SDK1: variants seen among roughly 807,000 people sequenced by gnomAD.
SDK1 encodes sidekick cell adhesion molecule 1.
Under a neutral mutation model 245.5 loss-of-function variants are expected in SDK1, and 157 were observed. The ratio of observed to expected loss-of-function variants is 0.64; its 90% CI spans 0.56 to 0.73. SDK1 has a LOEUF of 0.73. Among genes scored for constraint, SDK1 ranks in the 30% least tolerant of loss-of-function variants. SDK1 has a pLI of 0.00. For synonymous variants in SDK1, 1,647 were observed against 1,278.5 expected, an observed-to-expected ratio of 1.29 and a Z score of -6.15; for missense variants, 3,583 against 3,002.3, an observed-to-expected ratio of 1.19 and a Z score of -4.52.
chr7:4,072,934 A>G (rs771092900), intron 20 of SDK1, among the ~76,000 whole-genome samples: 19 of 152,266 alleles, frequency 1.2e-4, no homozygotes, highest in Non-Finnish European at 8.8e-5. Context: ...TTGCCCGCTC[A>G]TTGTAAATTT....
intron 4 of SDK1, among the ~76,000 whole-genome samples, chr7:3,644,430 A>G (rs1320645052): frequency 1.3e-5 from 2 of 151,854 alleles, no homozygotes; most frequent in Non-Finnish European, 2.9e-5. Context: ...ACAAAAATGA[A>G]GGATCAATTT....
chr7:3,483,745 TA>T (rs763831183), intron 1 of SDK1, among the ~76,000 whole-genome samples: 3 of 152,180 alleles, frequency 2.0e-5, no homozygotes, highest in Non-Finnish European at 4.4e-5. Context: ...TCAGTACTAT[TA>T]GATGATATTT....
chr7:3,664,112 C>A (rs988274035), intron 4 of SDK1, among the ~76,000 whole-genome samples: 1 of 151,874 alleles, frequency 6.6e-6, no homozygotes, highest in South Asian at 2.1e-4. Flanking sequence ...TGGAATTAGC[C>A]CAGTGAGCAT....
At chr7:4,066,413 C>G (rs904632041) in intron 19 of SDK1, among the ~76,000 whole-genome samples, 2 of 152,194 alleles carry the variant, frequency 1.3e-5, no homozygotes, top group South Asian at 4.1e-4. Flanking sequence ...AATGGGAGTG[C>G]ACTGTCTCTC....
At chr7:4,221,387 C>CG in intron 40 of SDK1, 23 bp downstream of exon 40, 1 of 1,590,444 alleles carries the variant, frequency 6.3e-7, no homozygotes, top group Non-Finnish European at 8.6e-7. Flanking sequence ...GCCCCACAAA[C>CG]GGGGTCTCAG....
At chr7:3,952,996 G>A (rs957119218) in intron 7 of SDK1, among the ~76,000 whole-genome samples, 2 of 152,064 alleles carry the variant, frequency 1.3e-5, no homozygotes, top group African/African-American at 2.4e-5. Flanking sequence ...TTCCGCAGTG[G>A]TAGCCGCTGT....
chr7:3,858,128 G>T (rs1387713823), intron 5 of SDK1, among the ~76,000 whole-genome samples: 1 of 152,108 alleles, frequency 6.6e-6, no homozygotes, highest in South Asian at 2.1e-4. Flanking sequence ...GGAATACAAT[G>T]GATTAGTTAA....
chr7:3,652,632 TCAGA>T (rs1783045841), intron 4 of SDK1, among the ~76,000 whole-genome samples: 1 of 152,168 alleles, frequency 6.6e-6, no homozygotes, highest in African/African-American at 2.4e-5. Flanking sequence ...AGGTTATCAT[TCAGA>T]CAGTCAGAAG....
intron 1 of SDK1, among the ~76,000 whole-genome samples, chr7:3,435,322 T>C (rs11286837): frequency 2.4e-4 from 6 of 24,928 alleles, no homozygotes; most frequent in African/African-American, 8.9e-4. Context: ...GGGGACTGCC[T>C]TTTTTTTTTT....
At chr7:3,666,438 C>G (rs1206039931) in intron 4 of SDK1, among the ~76,000 whole-genome samples, 1 of 152,186 alleles carries the variant, frequency 6.6e-6, no homozygotes, top group Non-Finnish European at 1.5e-5. Context: ...TTTCAGATCT[C>G]ATCACTTTCT....
At chr7:4,237,499 C>G (rs1397499364) in intron 41 of SDK1, 148 bp from the exon 42 acceptor site, 1 of 853,868 alleles carries the variant, frequency 1.2e-6, no homozygotes, top group East Asian at 2.5e-5. Flanking sequence ...TGGGAAAAGT[C>G]CACCCGCCCG....
At chr7:3,683,904 C>CA (rs1016479197) in intron 4 of SDK1, among the ~76,000 whole-genome samples, 1 of 152,160 alleles carries the variant, frequency 6.6e-6, no homozygotes, top group African/African-American at 2.4e-5. Flanking sequence ...GGCCTAGTAA[C>CA]AAAAAATGTG....
chr7:3,813,862 G>C (rs556754819), intron 4 of SDK1, among the ~76,000 whole-genome samples: 1 of 126,038 alleles, frequency 7.9e-6, no homozygotes, highest in South Asian at 3.0e-4. Context: ...CTGATGGCCA[G>C]TGATGATGAG....
At chr7:3,472,400 A>G (rs989469363) in intron 1 of SDK1, among the ~76,000 whole-genome samples, 2 of 152,132 alleles carry the variant, frequency 1.3e-5, no homozygotes, top group African/African-American at 2.4e-5. Context: ...AAAATTAGTA[A>G]TTTTTCCTGC....
At chr7:3,534,051 G>C (rs1778793957) in intron 1 of SDK1, among the ~76,000 whole-genome samples, 1 of 152,018 alleles carries the variant, frequency 6.6e-6, no homozygotes, top group Non-Finnish European at 1.5e-5. Flanking sequence ...CTTTTGATTA[G>C]CAAATCCCTG....
chr7:4,103,132 C>T (rs1782677664), intron 22 of SDK1, among the ~76,000 whole-genome samples: 1 of 151,986 alleles, frequency 6.6e-6, no homozygotes, highest in Admixed American at 6.6e-5. Context: ...TCCAGAGTAG[C>T]TGGGACTACA....
At chr7:3,757,909 T>C (rs1453014179) in intron 4 of SDK1, among the ~76,000 whole-genome samples, 2 of 152,146 alleles carry the variant, frequency 1.3e-5, no homozygotes, top group African/African-American at 4.8e-5. Context: ...CCTGAAGCTA[T>C]CTAGGGGCCT....
chr7:3,358,719 A>G (rs550781077), intron 1 of SDK1, among the ~76,000 whole-genome samples: 84 of 152,340 alleles, frequency 5.5e-4, no homozygotes, highest in African/African-American at 1.9e-3. Flanking sequence ...ATTGGCAGTC[A>G]TCCCCTGGAA....
chr7:3,865,675 A>C lies in SDK1; in HGVS notation c.847+44092A>C, dbSNP rs1283533354. Among the ~76,000 whole-genome samples, 5 of 145,488 alleles carry C rather than the reference A, an allele frequency of 3.4e-5. No individual in the cohort carries two copies. The South Asian group carries it at 6.6e-4, about 19-fold the overall frequency. On this transcript the variant is annotated intron_variant, in intron 5 of 44. Transcript: ENST00000404826. ...AGGTGTGTACCACCACGTCTGGCTT[A>C]TTTTTTTCTTTTTTTTTTTTTTAGA...
Sources: gnomAD v4.1 joint callset for allele counts (sites outside exome capture counted in the v4.1 genomes callset) on GRCh38, gnomAD v4.1.1 for gene constraint, MANE v1.5 for transcripts, NCBI Gene and HGNC (gene_info 2026-07-23, HGNC 2026-07-21) for gene names.